MLIP: variants seen among roughly 807,000 people sequenced by gnomAD.
MLIP encodes the protein muscular LMNA-interacting protein.
In MLIP, 79 loss-of-function variants were observed where a neutral mutation model predicts 84.8. That is an observed-to-expected ratio of 0.93 (90% CI 0.78 to 1.12). The LOEUF (loss-of-function observed/expected upper bound fraction) is 1.12, where lower values mean the gene tolerates loss of function less well. MLIP is among the 50% of genes most tolerant of loss of function. The pLI is 0.00. For synonymous variants in MLIP, 504 were observed against 463.0 expected (o/e 1.09, Z -1.14); for missense variants, 1,257 against 1,160.6 (o/e 1.08, Z -1.21).
intron 10 of MLIP, among the ~76,000 whole-genome samples, chr6:54,200,324 A>G (rs1036749762): frequency 6.6e-6 from 1 of 152,150 alleles, no homozygotes; most frequent in Non-Finnish European, 1.5e-5. Context: ...CCCTGCTTTC[A>G]TCTTTCTGCA....
At chr6:54,197,716 C>T (rs575533188) in intron 10 of MLIP, among the ~76,000 whole-genome samples, 22 of 152,162 alleles carry the variant, frequency 1.4e-4, no homozygotes, top group African/African-American at 5.1e-4. Flanking sequence ...ATGAGTCTGA[C>T]TATTCTATGG....
intron 12 of MLIP, among the ~76,000 whole-genome samples, chr6:54,242,951 A>T (rs1315745529): frequency 1.3e-5 from 2 of 152,146 alleles, no homozygotes; most frequent in Non-Finnish European, 2.9e-5. Flanking sequence ...ACATTTATTC[A>T]TTTCCTAAAG....
chr6:54,249,492 T>C (rs573142853), intron 12 of MLIP, among the ~76,000 whole-genome samples: 1 of 152,124 alleles, frequency 6.6e-6, no homozygotes, highest in Non-Finnish European at 1.5e-5. Context: ...ATGAGAGGCA[T>C]ATTTCTATCG....
intron 13 of MLIP, chr6:54,261,749 C>T: frequency 4.1e-6 from 4 of 984,656 alleles, no homozygotes; most frequent in Non-Finnish European, 4.8e-6. Flanking sequence ...CCCGTGGAAG[C>T]CACTCTCATT....
chr6:54,121,241 G>A (rs1770424476), intron 1 of MLIP, among the ~76,000 whole-genome samples: 1 of 152,038 alleles, frequency 6.6e-6, no homozygotes, highest in South Asian at 2.1e-4. Context: ...GGGTGGTATT[G>A]TTTTCTCTGG....
At chr6:54,047,861 T>G (rs1028823159) in intron 1 of MLIP, among the ~76,000 whole-genome samples, 2 of 152,350 alleles carry the variant, frequency 1.3e-5, no homozygotes, top group South Asian at 4.1e-4. Flanking sequence ...GTCCCCCTTT[T>G]CAATAGTCTA....
chr6:54,177,130 A>C (rs1776370474), intron 9 of MLIP, among the ~76,000 whole-genome samples: 1 of 152,186 alleles, frequency 6.6e-6, no homozygotes, highest in Admixed American at 6.6e-5. Flanking sequence ...ACCATTCAGG[A>C]CTGGCACAGG....
At chr6:54,212,001 ACTCTAT>A (rs1333969611) in intron 11 of MLIP, among the ~76,000 whole-genome samples, 2 of 152,152 alleles carry the variant, frequency 1.3e-5, no homozygotes, top group East Asian at 3.9e-4. Context: ...AGAAGGTAAA[ACTCTAT>A]CTCTGGAATT....
intron 10 of MLIP, among the ~76,000 whole-genome samples, chr6:54,197,638 A>T (rs377092986): frequency 6.6e-6 from 1 of 151,988 alleles, no homozygotes; most frequent in Non-Finnish European, 1.5e-5. Flanking sequence ...TTTTCCACAT[A>T]GGCTGGAAAG....
chr6:54,034,553 G>A (rs1456037753), intron 1 of MLIP, among the ~76,000 whole-genome samples: 1 of 151,848 alleles, frequency 6.6e-6, no homozygotes, highest in African/African-American at 2.4e-5. Flanking sequence ...CATTTAAAAA[G>A]TTAAAAAACA....
chr6:54,124,896 A>G (rs756338115), intron 3 of MLIP, 31 bp downstream of exon 3: 10 of 1,500,220 alleles, frequency 6.7e-6, no homozygotes, highest in African/African-American at 1.4e-5. Context: ...GTCCATAAGG[A>G]AAAAAAAAGC....
chr6:54,025,786 T>C (rs915237663), intron 1 of MLIP, among the ~76,000 whole-genome samples: 1 of 152,146 alleles, frequency 6.6e-6, no homozygotes, highest in African/African-American at 2.4e-5. Flanking sequence ...GGTGACATTG[T>C]CATGGGCCAT....
intron 10 of MLIP, among the ~76,000 whole-genome samples, chr6:54,192,033 T>C (rs982424628): frequency 6.6e-6 from 1 of 151,008 alleles, no homozygotes; most frequent in Non-Finnish European, 1.5e-5. Flanking sequence ...AAATAAGATA[T>C]AGTAAAACAA....
chr6:54,037,254 G>T (rs1764497892), intron 1 of MLIP, among the ~76,000 whole-genome samples: 1 of 152,022 alleles, frequency 6.6e-6, no homozygotes, highest in South Asian at 2.1e-4. Flanking sequence ...ACATCGTACA[G>T]CTGCAGCTCT....
intron 12 of MLIP, among the ~76,000 whole-genome samples, chr6:54,251,441 C>CATATATATATATATATATATAT (rs148476876): frequency 1.7e-3 from 148 of 88,544 alleles, no homozygotes; most frequent in African/African-American, 4.5e-3. Context: ...TGAAACAAGC[C>CATATATATATATATATATATAT]ATATATATAT....
chr6:54,049,283 T>C (rs1765245604), intron 1 of MLIP, among the ~76,000 whole-genome samples: 1 of 152,172 alleles, frequency 6.6e-6, no homozygotes, highest in Non-Finnish European at 1.5e-5. Flanking sequence ...CAGTAATGGC[T>C]GAAAGCATCT....
chr6:54,223,542 C>A (rs776780273), intron 11 of MLIP, among the ~76,000 whole-genome samples: 1 of 152,004 alleles, frequency 6.6e-6, no homozygotes, highest in Non-Finnish European at 1.5e-5. Flanking sequence ...AGTTGTCCAA[C>A]CATAATGGGT....
intron 1 of MLIP, among the ~76,000 whole-genome samples, chr6:54,085,255 A>G (rs1245641250): frequency 6.6e-6 from 1 of 152,166 alleles, no homozygotes; most frequent in Non-Finnish European, 1.5e-5. Flanking sequence ...GCATTGAGAA[A>G]CATTGTGTGA....
At chr6:54,265,455 C>A (rs145533760) in intron 13 of MLIP, among the ~76,000 whole-genome samples, 1 of 152,052 alleles carries the variant, frequency 6.6e-6, no homozygotes, top group Non-Finnish European at 1.5e-5. Flanking sequence ...TGAAGAAAAG[C>A]GAGAGGTTAT....
Sources: allele counts gnomAD v4.1 joint callset (sites outside exome capture counted in the v4.1 genomes callset), GRCh38; gene constraint gnomAD v4.1.1; transcripts MANE v1.5; gene names NCBI Gene and HGNC (gene_info 2026-07-23, HGNC 2026-07-21).